MTM1: variants seen among roughly 807,000 people sequenced by gnomAD.
The protein encoded by MTM1 is myotubularin.
Under a neutral mutation model 52.1 loss-of-function variants are expected in MTM1, and 9 were observed. That is an observed-to-expected ratio of 0.17 (90% CI 0.10 to 0.30). The LOEUF is 0.30. Ranked by LOEUF, MTM1 falls within the 10% of genes least tolerant of loss-of-function variation. The pLI is 1.00. For synonymous variants in MTM1, 136 were observed against 163.8 expected, an observed-to-expected ratio of 0.83 and a Z score of 1.29; for missense variants, 277 against 470.7, an observed-to-expected ratio of 0.59 and a Z score of 3.81.
intron 2 of MTM1, among the ~76,000 whole-genome samples, chrX:150,595,566 T>C (rs1195219504): frequency 8.9e-6 from 1 of 112,608 alleles, no homozygotes; most frequent in African/African-American, 3.2e-5. Context: ...CAGTGTGATT[T>C]TGGACAACAA....
chrX:150,633,297 G>C (rs1310532057), intron 6 of MTM1, among the ~76,000 whole-genome samples: 2 of 111,964 alleles, frequency 1.8e-5, no homozygotes, highest in East Asian at 2.8e-4. Context: ...TAGGAGAACT[G>C]TTTATGCAAA....
At chrX:150,623,851 A>T (rs2039522787) in intron 6 of MTM1, among the ~76,000 whole-genome samples, 1 of 111,580 alleles carries the variant, frequency 9.0e-6, no homozygotes, top group Admixed American at 9.5e-5. Flanking sequence ...GAAAAAGATC[A>T]CTTTGTTAAT....
At chrX:150,617,403 GA>G (rs1470108829) in intron 5 of MTM1, among the ~76,000 whole-genome samples, 1 of 112,023 alleles carries the variant, frequency 8.9e-6, no homozygotes, top group African/African-American at 3.2e-5. Context: ...TCATCCCATT[GA>G]AATGATTATT....
intron 6 of MTM1, among the ~76,000 whole-genome samples, chrX:150,626,950 C>T (rs1174712977): frequency 9.0e-6 from 1 of 111,236 alleles, no homozygotes; most frequent in African/African-American, 3.3e-5. Context: ...AGACTTGGTC[C>T]TCTATTCTCG....
chrX:150,570,972 AG>A (rs1336309482), intron 1 of MTM1, among the ~76,000 whole-genome samples: 1 of 112,371 alleles, frequency 8.9e-6, no homozygotes, highest in Non-Finnish European at 1.9e-5. Context: ...AAATAATTAA[AG>A]TTACAAAAAA....
At chrX:150,606,799 C>G (rs1166196356) in intron 4 of MTM1, among the ~76,000 whole-genome samples, 3 of 106,321 alleles carry the variant, frequency 2.8e-5, no homozygotes, top group African/African-American at 1.0e-4. Context: ...ACTTCCTTCC[C>G]TTCCTTCCTT....
At position 150,672,599 on chromosome X, in the gene MTM1, C is replaced by A. The variant is rs2040412576; in HGVS notation, c.*1004C>A. 9.0e-6 allele frequency: 1 copy of A among 111,586 alleles called. No individual in the cohort carries two copies. The highest frequency in any genetic ancestry group is 3.3e-5 in the African/African-American group (1 of 30,432). 9.2% of individuals were successfully genotyped at this position (111,586 alleles called of 1,213,427 possible). On this transcript the variant is annotated 3_prime_UTR_variant, in exon 15 of 15. Transcript: ENST00000370396. ...CAATGGTGTTGGCTTCCCCTCCCCA[C>A]CCCACGCGTGCATAAAAACTGGTTC...
At chrX:150,565,130 C>T (rs1220680970), upstream of MTM1, among the ~76,000 whole-genome samples, 3 of 112,296 alleles carry the variant, frequency 2.7e-5, no homozygotes, top group African/African-American at 9.7e-5. Flanking sequence ...CTATCCTCTC[C>T]CATCTCTCTC....
intron 6 of MTM1, among the ~76,000 whole-genome samples, chrX:150,626,934 C>T (rs1395973318): frequency 9.0e-6 from 1 of 111,276 alleles, no homozygotes; most frequent in East Asian, 2.8e-4. Context: ...CTTCCTGCCT[C>T]CTCTAAGACT....
chrX:150,608,014 G>A (rs2039201022), intron 4 of MTM1, among the ~76,000 whole-genome samples: 2 of 110,681 alleles, frequency 1.8e-5, no homozygotes, highest in Non-Finnish European at 3.8e-5. Context: ...AAGTTCCCTA[G>A]ATGTGAGTCA....
upstream of MTM1, chrX:150,568,584 G>C (rs1218451124): frequency 2.6e-5 from 3 of 113,354 alleles, no homozygotes; most frequent in African/African-American, 9.6e-5. Context: ...GCAGGCCGTG[G>C]GGGGCGGACC....
At chrX:150,637,829 C>T (rs1474061382) in intron 6 of MTM1, among the ~76,000 whole-genome samples, 1 of 111,970 alleles carries the variant, frequency 8.9e-6, no homozygotes, top group Non-Finnish European at 1.9e-5. Flanking sequence ...TTACGTGGAG[C>T]GAGTGAGTCT....
chrX:150,628,588 A>G (rs782682502), intron 6 of MTM1, among the ~76,000 whole-genome samples: 1 of 110,989 alleles, frequency 9.0e-6, no homozygotes. Flanking sequence ...ACACCAAAAG[A>G]TCTGTTTAAA....
Position 150,579,166 on chromosome X carries a change from C to T in MTM1, c.-11+10504C>T, listed in dbSNP as rs1035885336. On this transcript the variant is annotated intron_variant, in intron 1 of 14. Coordinates refer to ENST00000370396, the MANE Select transcript of MTM1 (RefSeq NM_000252.3). ...GCCTCCTGGGTTCAAGCGATTCTCC[C>T]GCCTCAACCTCCTGAGTAGCTGGGA... 5.4e-5 allele frequency among the ~76,000 whole-genome samples: 6 copies of T among 110,170 alleles called. No individual in the cohort carries two copies. In the South Asian group the frequency reaches 1.2e-3, roughly 21 times the overall value.
chrX:150,660,345 T>A, intron 12 of MTM1, 26 bp from the exon 13 acceptor site: 1 of 958,486 alleles, frequency 1.0e-6, no homozygotes, highest in Non-Finnish European at 1.5e-6. Context: ...CAGTTTTTCA[T>A]GCTTTGTTTG....
At chrX:150,627,795 A>G (rs1429609183) in intron 6 of MTM1, among the ~76,000 whole-genome samples, 4 of 111,668 alleles carry the variant, frequency 3.6e-5, no homozygotes, top group African/African-American at 1.3e-4. Flanking sequence ...AGGCAATTTT[A>G]CCAAGAGAGG....
At chrX:150,656,975 A>C (rs1557414443) in intron 10 of MTM1, among the ~76,000 whole-genome samples, 1 of 111,334 alleles carries the variant, frequency 9.0e-6, no homozygotes, top group South Asian at 3.8e-4. Context: ...AGGAAACAAC[A>C]GGTGCTGGAG....
chrX:150,574,393 T>A, intron 1 of MTM1, among the ~76,000 whole-genome samples: 1 of 110,961 alleles, frequency 9.0e-6, no homozygotes, highest in Non-Finnish European at 1.9e-5. Flanking sequence ...TGAATGTGAA[T>A]TTTAATGAGG....
chrX:150,632,576 C>T (rs1228330632), intron 6 of MTM1, among the ~76,000 whole-genome samples: 1 of 111,182 alleles, frequency 9.0e-6, no homozygotes. Context: ...GTGGAGGGGA[C>T]GGGAGTGGAG....
Sources: allele counts gnomAD v4.1 joint callset (sites outside exome capture counted in the v4.1 genomes callset), GRCh38; gene constraint gnomAD v4.1.1; transcripts MANE v1.5; gene names NCBI Gene and HGNC (gene_info 2026-07-23, HGNC 2026-07-21).